CCDC184: variants seen among roughly 807,000 people sequenced by gnomAD.
CCDC184 encodes the protein coiled-coil domain-containing protein 184.
In CCDC184, 11 loss-of-function variants were observed where a neutral mutation model predicts 10.4. The observed-to-expected ratio is 1.06, with a 90% CI of 0.67 to 1.75. The LOEUF (loss-of-function observed/expected upper bound fraction) is 1.75, where lower values mean the gene tolerates loss of function less well. Among genes scored for constraint, CCDC184 ranks in the 40% most tolerant of loss-of-function variants. The pLI, the probability that CCDC184 is intolerant of heterozygous loss-of-function variation, is 0.00. For synonymous variants in CCDC184, 102 were observed against 116.1 expected (o/e 0.88, Z 0.78); for missense variants, 264 against 267.9 (o/e 0.99, Z 0.10).
chr12:48,185,095 T>G lies in CCDC184; in HGVS notation c.*388T>G. 5.4e-6 allele frequency: 1 copy of G among 183,578 alleles called. No individual in the cohort carries two copies. The highest frequency in any genetic ancestry group is 1.3e-5 in the Non-Finnish European group (1 of 79,526). 11.4% of individuals were successfully genotyped at this position (183,578 alleles called of 1,614,324 possible). On this transcript the variant is annotated 3_prime_UTR_variant, in exon 1 of 1. Coordinates refer to ENST00000316554, the MANE Select transcript of CCDC184 (RefSeq NM_001013635.4). Reference sequence around the variant, plus strand: ...ACCTAGGACCATGGCAAATAATCTCTAACAATTTACCTGGAAATTAAGGAA... The same window carrying G: ...ACCTAGGACCATGGCAAATAATCTCGAACAATTTACCTGGAAATTAAGGAA...
In CCDC184 at chr12:48,184,143, G is replaced by T; in HGVS notation, c.21G>T (p.Glu7Asp). The change falls in exon 1 of 1, where the codon GAG (glutamate) becomes GAT (aspartate). Residue 7 changes from glutamate (E) to aspartate (D), a missense_variant. Transcript: ENST00000316554. MEDGLL[E>D]IMTKDGGDMP... ...ACTCAATGGAGGACGGTCTGCTGGA[G>T]ATCATGACCAAGGACGGCGGCGACA... The T allele has an allele frequency of 6.2e-7, 1 of 1,613,698 alleles. No individual in the cohort carries two copies. Among genetic ancestry groups the T allele is most frequent in the Non-Finnish European group, 8.5e-7 (1 of 1,179,848 alleles).
At position 48,184,626 on chromosome 12, in the gene CCDC184, T is replaced by G; in HGVS notation, c.504T>G (p.Leu168=). ...ERPESPCAGL[L]GGDGPLVEPL... The stretch of plus-strand genomic sequence containing the variant: ...CCGAAAGCCCCTGTGCTGGTCTCCT[T>G]GGGGGGGACGGGCCACTTGTGGAGC... The change falls in exon 1 of 1, where the codon CTT becomes CTG. Residue 168 remains leucine, a synonymous_variant. Transcript: ENST00000316554. 6.3e-7 allele frequency: 1 copy of G among 1,578,420 alleles called. No individual in the cohort carries two copies. The highest frequency in any genetic ancestry group is 1.7e-4 in the Middle Eastern group (1 of 6,008).
Position 48,184,437 on chromosome 12 carries a change from C to T in CCDC184, c.315C>T (p.Val105=), listed in dbSNP as rs1388281747. 1.2e-6 allele frequency: 2 copies of T among 1,609,246 alleles called. No homozygotes were observed. The highest frequency in any genetic ancestry group is 2.2e-5 in the East Asian group (1 of 44,864). The change falls in exon 1 of 1, where the codon GTC becomes GTT. Residue 105 remains valine (V), a synonymous_variant. Coordinates refer to ENST00000316554, the MANE Select transcript of CCDC184 (RefSeq NM_001013635.4). ...CCCGCCAGGGCGGCTTGGGCGTGGT[C>T]GGCGGCAAGGGGAGCTTCCAGAGCG... The part of the protein sequence containing the change: ...TAPRQGGLGV[V]GGKGSFQSDP...
rs143383463 is a variant in CCDC184, at chr12:48,184,427, T to C, written c.305T>C (p.Leu102Ser). The C allele has an allele frequency of 3.4e-5, 54 of 1,610,568 alleles. No homozygotes were observed. In the African/African-American group the frequency reaches 6.9e-4, roughly 21 times the overall value. Residue 102 changes from leucine (L) to serine (S), a missense_variant, in exon 1 of 1, where the codon TTG (leucine) becomes TCG (serine). Transcript: ENST00000316554. ...ACCACTGCGCCCCGCCAGGGCGGCT[T>C]GGGCGTGGTCGGCGGCAAGGGGAGC... is the stretch of plus-strand genomic sequence containing the variant. Reference protein sequence around the residue: ...IMTTAPRQGGLGVVGGKGSFQ... With the variant: ...IMTTAPRQGGSGVVGGKGSFQ...
chr12:48,183,988 G>C lies in CCDC184; in HGVS notation c.-135G>C. 1 of 644,470 alleles carries C rather than the reference G, an allele frequency of 1.6e-6. No homozygotes were observed. The highest frequency in any genetic ancestry group is 2.6e-6 in the Non-Finnish European group (1 of 377,538). 39.9% of individuals were successfully genotyped at this position (644,470 alleles called of 1,614,324 possible). On this transcript the variant is annotated 5_prime_UTR_variant, in exon 1 of 1. Transcript: ENST00000316554. ...GACTCGTCTCTCACGTCGGCTCCCC[G>C]CCAGTCTCGGGAGCCTCCGCTTCCC...
chr12:48,184,597 C>T lies in CCDC184; in HGVS notation c.475C>T (p.Arg159Cys). 6.4e-7 allele frequency: 1 copy of T among 1,562,548 alleles called. No homozygotes were observed. The highest frequency in any genetic ancestry group is 8.7e-7 in the Non-Finnish European group (1 of 1,154,576). ...SPATPSSHCE[R>C]PESPCAGLLG... ...CGCCACACCCTCCAGTCACTGTGAGCGCCCCGAAAGCCCCTGTGCTGGTCT... is the reference window on the plus strand; with the variant it reads ...CGCCACACCCTCCAGTCACTGTGAGTGCCCCGAAAGCCCCTGTGCTGGTCT... Residue 159 changes from arginine (R) to cysteine (C), a missense_variant, in exon 1 of 1, where the codon CGC becomes TGC. Transcript: ENST00000316554.
chr12:48,184,177 C>T lies in CCDC184; in HGVS notation c.55C>T (p.Pro19Ser). The T allele has an allele frequency of 6.2e-7, 1 of 1,614,038 alleles. No individual in the cohort carries two copies. Among genetic ancestry groups the T allele is most frequent in the Non-Finnish European group, 8.5e-7 (1 of 1,180,020 alleles). The change falls in exon 1 of 1, where the codon CCC (proline) becomes TCC (serine). Residue 19 changes from proline (P) to serine (S), a missense_variant. Coordinates refer to ENST00000316554, the MANE Select transcript of CCDC184 (RefSeq NM_001013635.4). ...CAAGGACGGCGGCGACATGCCGGCG[C>T]CCCTGGAGGTGTCCACCGTGCCGGC... Reference protein sequence around the residue: ...MTKDGGDMPAPLEVSTVPAVG... With the variant: ...MTKDGGDMPASLEVSTVPAVG...
Position 48,184,678 on chromosome 12 carries a change from C to T in CCDC184, c.556C>T (p.Leu186=), listed in dbSNP as rs758554607. Residue 186 remains leucine, a synonymous_variant, in exon 1 of 1, where the codon CTG becomes TTG. Transcript: ENST00000316554. Reference sequence around the variant, plus strand: ...CCTCGACATGCCCGACATTACCCTGCTGCAACTGGAGGGCGAGGCCTCCCT... The same window carrying T: ...CCTCGACATGCCCGACATTACCCTGTTGCAACTGGAGGGCGAGGCCTCCCT... ...EPLDMPDITL[L]QLEGEASL The T allele has an allele frequency of 6.9e-6, 11 of 1,603,152 alleles. No homozygotes were observed. Among genetic ancestry groups the T allele is most frequent in the Non-Finnish European group, 8.5e-6 (10 of 1,174,226 alleles).
rs753493833 is a variant in CCDC184 at position 48,184,453 on chromosome 12, T to C, written c.331T>C (p.Phe111Leu). Residue 111 changes from phenylalanine (F) to leucine (L), a missense_variant, in exon 1 of 1, where the codon TTC becomes CTC. Coordinates refer to ENST00000316554, the MANE Select transcript of CCDC184 (RefSeq NM_001013635.4). ...GLGVVGGKGS[F>L]QSDPQEPETP... Reference sequence around the variant, plus strand: ...GGGCGTGGTCGGCGGCAAGGGGAGCTTCCAGAGCGACCCCCAAGAGCCGGA... The same window carrying C: ...GGGCGTGGTCGGCGGCAAGGGGAGCCTCCAGAGCGACCCCCAAGAGCCGGA... 21 of 1,606,298 alleles carry C rather than the reference T, an allele frequency of 1.3e-5. No individual in the cohort carries two copies. In the South Asian group the frequency reaches 2.3e-4, roughly 18 times the overall value.
At position 48,184,489 on chromosome 12, in the gene CCDC184, C is replaced by T. The variant is rs748521716; in HGVS notation, c.367C>T (p.Pro123Ser). The T allele has an allele frequency of 1.9e-6, 3 of 1,601,682 alleles. No individual in the cohort carries two copies. Among genetic ancestry groups the T allele is most frequent in the South Asian group, 2.2e-5 (2 of 90,380 alleles). ...CCCCCAAGAGCCGGAGACTCCTTCGCCTGGGATCGGGGACAGCGGCTTGCT... is the reference window on the plus strand; with the variant it reads ...CCCCCAAGAGCCGGAGACTCCTTCGTCTGGGATCGGGGACAGCGGCTTGCT... The part of the protein sequence containing the change: ...SDPQEPETPS[P>S]GIGDSGLLGR... Residue 123 changes from proline to serine, a missense_variant, in exon 1 of 1, where the codon CCT becomes TCT. By Grantham distance (74) the Pro-to-Ser change is moderately conservative. Coordinates refer to ENST00000316554, the MANE Select transcript of CCDC184 (RefSeq NM_001013635.4).
chr12:48,184,742 CTTT>C lies in CCDC184; in HGVS notation c.*36_*38del. The C allele has an allele frequency of 1.3e-6, 2 of 1,529,724 alleles. No homozygotes were observed. Among genetic ancestry groups the C allele is most frequent in the South Asian group, 1.2e-5 (1 of 81,804 alleles). 94.8% of individuals were successfully genotyped at this position (1,529,724 alleles called of 1,614,324 possible). ...GTGGGGCACTACCTTCCCGGGCTGT[CTTT>C]GGGTTTCCGAGTGCATGACGCGAGG... On this transcript the variant is annotated 3_prime_UTR_variant, in exon 1 of 1. Transcript: ENST00000316554.
At position 48,183,915 on chromosome 12, in the gene CCDC184, G is replaced by T. The variant is rs1017328886; in HGVS notation, c.-208G>T. The T allele has an allele frequency of 3.6e-6, 2 of 555,262 alleles. No homozygotes were observed. The highest frequency in any genetic ancestry group is 1.9e-5 in the African/African-American group (1 of 53,012). The allele number at this position is 555,262 out of a possible 1,614,324, so 34.4% of individuals were successfully genotyped here. A position where few individuals can be genotyped will look rare whatever the true frequency, so the allele number is the denominator to read the frequency against. On this transcript the variant is annotated 5_prime_UTR_variant, in exon 1 of 1. Transcript: ENST00000316554. ...GGGACCCTCGCCGGGTCCTCGTCCC[G>T]CAGCCTCTTCTCGGCCTCCCGCGAT... is the stretch of plus-strand genomic sequence containing the variant.
chr12:48,184,697 C>A lies in CCDC184; in HGVS notation c.575C>A (p.Ala192Asp). The change falls in exon 1 of 1, where the codon GCC becomes GAC. Residue 192 changes from alanine (A) to aspartate (D), a missense_variant. Ala to Asp is a moderately radical substitution (Grantham distance 126). Transcript: ENST00000316554. The stretch of plus-strand genomic sequence containing the variant: ...ACCCTGCTGCAACTGGAGGGCGAGG[C>A]CTCCCTGTGAGGGGACTCCGTGGGG... ...DITLLQLEGE[A>D]SL 1 of 1,600,386 alleles carries A rather than the reference C, an allele frequency of 6.2e-7. No individual in the cohort carries two copies.
chr12:48,184,222 G>A lies in CCDC184; in HGVS notation c.100G>A (p.Gly34Arg), dbSNP rs372174871. 9.3e-6 allele frequency: 15 copies of A among 1,613,928 alleles called. No individual in the cohort carries two copies. Among genetic ancestry groups the A allele is most frequent in the African/African-American group, 2.7e-5 (2 of 74,946 alleles). The change falls in exon 1 of 1, where the codon GGG becomes AGG. Residue 34 changes from glycine to arginine, a missense_variant. Gly to Arg is a moderately radical substitution (Grantham distance 125). Coordinates refer to ENST00000316554, the MANE Select transcript of CCDC184 (RefSeq NM_001013635.4). ...GCCGGCAGTGGGGGACGTGATCTCC[G>A]GGGAGTACAACGGCGGCATGAAGGA... The part of the protein sequence containing the change: ...TVPAVGDVIS[G>R]EYNGGMKELM...
At position 48,183,706 on chromosome 12, in the gene CCDC184, T is replaced by G. The variant is rs1364210945; in HGVS notation, c.-417T>G. 3 of 182,020 alleles carry G rather than the reference T, an allele frequency of 1.6e-5. No homozygotes were observed. The highest frequency in any genetic ancestry group is 2.4e-5 in the African/African-American group (1 of 42,308). 11.3% of individuals were successfully genotyped at this position (182,020 alleles called of 1,614,324 possible). A position where few individuals can be genotyped will look rare whatever the true frequency, so the allele number is the denominator to read the frequency against. ...GGTAATGGCCTGGGGGAGTCCCGAG[T>G]CCGACGCGCCGCTGGCCTCAGCCTG... On this transcript the variant is annotated 5_prime_UTR_variant, in exon 1 of 1. Coordinates refer to ENST00000316554, the MANE Select transcript of CCDC184 (RefSeq NM_001013635.4).
At position 48,184,859 on chromosome 12, in the gene CCDC184, T is replaced by G; in HGVS notation, c.*152T>G. 1.6e-6 allele frequency: 1 copy of G among 636,606 alleles called. No individual in the cohort carries two copies. Among genetic ancestry groups the G allele is most frequent in the South Asian group, 2.1e-5 (1 of 46,902 alleles). 39.4% of individuals were successfully genotyped at this position (636,606 alleles called of 1,614,324 possible). A position where few individuals can be genotyped will look rare whatever the true frequency, so the allele number is the denominator to read the frequency against. ...AGAGACTCCCTCGAGGAAGGATTTG[T>G]AGGGTGAAGGACTTTGGGAGCATCG... is the stretch of plus-strand genomic sequence containing the variant. On this transcript the variant is annotated 3_prime_UTR_variant, in exon 1 of 1. Coordinates refer to ENST00000316554, the MANE Select transcript of CCDC184 (RefSeq NM_001013635.4).
chr12:48,185,025 A>C lies in CCDC184; in HGVS notation c.*318A>C. The C allele has an allele frequency of 3.1e-6, 1 of 321,874 alleles. No individual in the cohort carries two copies. 19.9% of individuals were successfully genotyped at this position (321,874 alleles called of 1,614,324 possible). A position where few individuals can be genotyped will look rare whatever the true frequency, so the allele number is the denominator to read the frequency against. ...TCCCAGACAACAGGAGAACCCGTGAATTGTGTAAATAAAATTCTGCTTTTT... is the reference window on the plus strand; with the variant it reads ...TCCCAGACAACAGGAGAACCCGTGACTTGTGTAAATAAAATTCTGCTTTTT... On this transcript the variant is annotated 3_prime_UTR_variant, in exon 1 of 1. Coordinates refer to ENST00000316554, the MANE Select transcript of CCDC184 (RefSeq NM_001013635.4).
rs1321356122 is a variant in CCDC184, at chr12:48,184,431, C to A, written c.309C>A (p.Gly103=). The part of the protein sequence containing the change: ...MTTAPRQGGL[G]VVGGKGSFQS... ...CTGCGCCCCGCCAGGGCGGCTTGGG[C>A]GTGGTCGGCGGCAAGGGGAGCTTCC... The change falls in exon 1 of 1, where the codon GGC becomes GGA. Residue 103 remains glycine (G), a synonymous_variant. Transcript: ENST00000316554. The A allele has an allele frequency of 6.2e-7, 1 of 1,609,702 alleles. No homozygotes were observed. The highest frequency in any genetic ancestry group is 1.3e-5 in the African/African-American group (1 of 74,944).
At position 48,184,044 on chromosome 12, in the gene CCDC184, T is replaced by TCCCCCCCCCCC; in HGVS notation, c.-74_-73insCCCCCCCCCCC. ...TCCCGCTAGCCCCTCCCGGGACCTCTCCCCCTCCACCCCCTCCCCCACCCC... is the reference window on the plus strand; with the variant it reads ...TCCCGCTAGCCCCTCCCGGGACCTCTCCCCCCCCCCCCCCCCTCCACCCCCTCCCCCACCCC... On this transcript the variant is annotated 5_prime_UTR_variant, in exon 1 of 1. Coordinates refer to ENST00000316554, the MANE Select transcript of CCDC184 (RefSeq NM_001013635.4). The TCCCCCCCCCCC allele has an allele frequency of 2.6e-5, 17 of 652,362 alleles. No homozygotes were observed. The highest frequency in any genetic ancestry group is 8.7e-5 in the South Asian group (5 of 57,592). The allele number at this position is 652,362 out of a possible 1,614,324, so 40.4% of individuals were successfully genotyped here.
Sources: allele counts gnomAD v4.1 joint callset, GRCh38; gene constraint gnomAD v4.1.1; transcripts MANE v1.5; gene names NCBI Gene and HGNC (gene_info 2026-07-23, HGNC 2026-07-21).